AQP1: variants seen among roughly 807,000 people sequenced by gnomAD.
AQP1 encodes the protein aquaporin-1.
In AQP1, 11 loss-of-function variants were observed where a neutral mutation model predicts 19.7. The ratio of observed to expected loss-of-function variants is 0.56; its 90% confidence interval spans 0.35 to 0.92. AQP1 has a LOEUF of 0.92. Ranked by LOEUF, AQP1 falls within the 40% of genes least tolerant of loss-of-function variation. The pLI, the probability that AQP1 is intolerant of heterozygous loss-of-function variation, is 0.01. For synonymous variants in AQP1, 159 were observed against 166.7 expected, an observed-to-expected ratio of 0.95 and a Z score of 0.36; for missense variants, 320 against 369.7, an observed-to-expected ratio of 0.87 and a Z score of 1.10.
chr7:30,919,261 T>C (rs372742088), intron 1 of AQP1, among the ~76,000 whole-genome samples: 1 of 152,128 alleles, frequency 6.6e-6, no homozygotes, highest in East Asian at 1.9e-4. Context: ...CGCAGGAAGA[T>C]TGATTTCCTA....
Position 30,912,108 on chromosome 7 carries a change from G to A in AQP1, c.199G>A (p.Val67Met). 1 of 1,613,296 alleles carries A rather than the reference G, an allele frequency of 6.2e-7. No homozygotes were observed. The highest frequency in any genetic ancestry group is 8.5e-7 in the Non-Finnish European group (1 of 1,180,044). The change falls in exon 1 of 4, where the codon GTG becomes ATG. Residue 67 changes from valine to methionine, a missense_variant. Transcript: ENST00000311813. The surrounding 1 kb of genome is among the most constrained non-coding windows in gnomAD (Gnocchi z 4.3). ...GLSIATLAQS[V>M]GHISGAHLNP... Reference sequence around the variant, plus strand: ...GAGCATCGCCACGCTGGCGCAGAGTGTGGGCCACATCAGCGGCGCCCACCT... The same window carrying A: ...GAGCATCGCCACGCTGGCGCAGAGTATGGGCCACATCAGCGGCGCCCACCT...
At chr7:30,920,326 A>G (rs190541201) in intron 1 of AQP1, among the ~76,000 whole-genome samples, 9 of 152,270 alleles carry the variant, frequency 5.9e-5, no homozygotes, top group African/African-American at 9.6e-5. Context: ...ACAGAGGGAC[A>G]GGGGCCTCAC....
At chr7:30,914,212 GGAGA>G (rs925971507) in intron 1 of AQP1, among the ~76,000 whole-genome samples, 13 of 152,328 alleles carry the variant, frequency 8.5e-5, no homozygotes, top group Middle Eastern at 6.8e-3. Context: ...GTTGCAAATG[GGAGA>G]GAAAGAGGAG....
At position 30,912,642 on chromosome 7, in the gene AQP1, CCCT is replaced by C. The variant is rs1180490848; in HGVS notation, c.384+356_384+358del. Among the ~76,000 whole-genome samples the C allele has an allele frequency of 6.6e-6, 1 of 152,186 alleles. No individual in the cohort carries two copies. The highest frequency in any genetic ancestry group is 1.5e-5 in the Non-Finnish European group (1 of 68,048). The stretch of plus-strand genomic sequence containing the variant: ...CTCAGTCCTGCCTGTGCCGCCAGCT[CCCT>C]CCTCCTGCAGCCCTGCACCCTGGGG... On this transcript the variant is annotated intron_variant, in intron 1 of 3. Transcript: ENST00000311813. This position sits in a 1 kb window ranked among gnomAD's most constrained non-coding sequence, Gnocchi z 4.3.
chr7:30,921,444 A>G, intron 1 of AQP1: 1 of 1,448,072 alleles, frequency 6.9e-7, no homozygotes, highest in Non-Finnish European at 9.1e-7. Context: ...AAGCAATGGG[A>G]GACAGGCCTT....
chr7:30,915,543 G>C (rs918800723), intron 1 of AQP1, among the ~76,000 whole-genome samples: 2 of 152,154 alleles, frequency 1.3e-5, no homozygotes, highest in African/African-American at 4.8e-5. Context: ...TCAGGCTGGG[G>C]GTGCATGGGA....
rs769323781 is a variant in AQP1, at chr7:30,912,257, C to T, written c.348C>T (p.Thr116=). Residue 116 remains threonine (T), a synonymous_variant, in exon 1 of 4, where the codon ACC becomes ACT. Transcript: ENST00000311813. The surrounding 1 kb of genome is among the most constrained non-coding windows in gnomAD (Gnocchi z 4.3). ...CCACCGCCATCCTCTCAGGCATCAC[C>T]TCCTCCCTGACTGGGAACTCGCTTG... ...IVATAILSGI[T]SSLTGNSLGR... The T allele has an allele frequency of 6.2e-7, 1 of 1,606,136 alleles. No homozygotes were observed. The highest frequency in any genetic ancestry group is 2.2e-5 in the East Asian group (1 of 44,868).
In AQP1 at chr7:30,912,847, A is replaced by T. The variant is rs2128588118; in HGVS notation, c.384+554A>T. Among the ~76,000 whole-genome samples, 1 of 152,296 alleles carries T rather than the reference A, an allele frequency of 6.6e-6. No individual in the cohort carries two copies. Among genetic ancestry groups the T allele is most frequent in the South Asian group, 2.1e-4 (1 of 4,822 alleles). On this transcript the variant is annotated intron_variant, in intron 1 of 3. Transcript: ENST00000311813. This position sits in a 1 kb window ranked among gnomAD's most constrained non-coding sequence, Gnocchi z 4.3. ...CCTCTTCCACTCTTTTGCCCCTGAGATTAGACAAAGATAAGGGAGTGAAAA... is the reference window on the plus strand; with the variant it reads ...CCTCTTCCACTCTTTTGCCCCTGAGTTTAGACAAAGATAAGGGAGTGAAAA...
At chr7:30,917,996 T>G (rs904049207) in intron 1 of AQP1, among the ~76,000 whole-genome samples, 2 of 147,872 alleles carry the variant, frequency 1.4e-5, no homozygotes, top group Non-Finnish European at 3.0e-5. Flanking sequence ...CCTTTATAGA[T>G]TTTTATTTTT....
chr7:30,921,119 C>G (rs1791486377), intron 1 of AQP1, among the ~76,000 whole-genome samples: 1 of 152,162 alleles, frequency 6.6e-6, no homozygotes, highest in African/African-American at 2.4e-5. Context: ...TGCAAGTGAG[C>G]CTTTGCTGAT....
At chr7:30,918,748 G>A (rs1204656754) in intron 1 of AQP1, among the ~76,000 whole-genome samples, 1 of 152,202 alleles carries the variant, frequency 6.6e-6, no homozygotes. Flanking sequence ...ACATTGCCTG[G>A]AGAGATCATC....
intron 1 of AQP1, among the ~76,000 whole-genome samples, chr7:30,913,010 G>C (rs556333026): frequency 1.6e-4 from 25 of 152,122 alleles, no homozygotes; most frequent in African/African-American, 5.5e-4. Context: ...GTGTGTGAAG[G>C]TGTGTATGTG....
In AQP1 at chr7:30,912,129, C is replaced by T. The variant is rs1274688559; in HGVS notation, c.220C>T (p.His74Tyr). The change falls in exon 1 of 4, where the codon CAC becomes TAC. Residue 74 changes from histidine to tyrosine, a missense_variant. His to Tyr is a moderately conservative substitution (Grantham distance 83). Transcript: ENST00000311813. This position sits in a 1 kb window ranked among gnomAD's most constrained non-coding sequence, Gnocchi z 4.3. Reference sequence around the variant, plus strand: ...GAGTGTGGGCCACATCAGCGGCGCCCACCTCAACCCGGCTGTCACACTGGG... The same window carrying T: ...GAGTGTGGGCCACATCAGCGGCGCCTACCTCAACCCGGCTGTCACACTGGG... ...AQSVGHISGA[H>Y]LNPAVTLGLL... 6.2e-7 allele frequency: 1 copy of T among 1,613,138 alleles called. No individual in the cohort carries two copies. The highest frequency in any genetic ancestry group is 8.5e-7 in the Non-Finnish European group (1 of 1,180,038).
At chr7:30,917,825 C>T (rs770254188) in intron 1 of AQP1, among the ~76,000 whole-genome samples, 2 of 152,224 alleles carry the variant, frequency 1.3e-5, no homozygotes, top group Admixed American at 6.5e-5. Flanking sequence ...TGGTAGTTTT[C>T]GGCTGCTTCA....
In AQP1 at chr7:30,911,918, C is replaced by G. The variant is rs574768358; in HGVS notation, c.9C>G (p.Ser3Arg). ...CCAAGCCCCCTGCCAGCATGGCCAG[C>G]GAGTTCAAGAAGAAGCTCTTCTGGA... Reference protein sequence around the residue: MASEFKKKLFWRA... With the variant: MAREFKKKLFWRA... Residue 3 changes from serine (S) to arginine (R), a missense_variant, in exon 1 of 4, where the codon AGC becomes AGG. Physicochemically the swap from Ser to Arg is moderately radical, Grantham distance 110. Coordinates refer to ENST00000311813, the MANE Select transcript of AQP1 (RefSeq NM_198098.4). 6.2e-7 allele frequency: 1 copy of G among 1,613,178 alleles called. No individual in the cohort carries two copies.
rs144238098 is a variant in AQP1 at position 30,923,577 on chromosome 7, A to G, written c.758A>G (p.Tyr253Cys). ...TGGACCAGCGGCCAGGTGGAGGAGTATGACCTGGATGCCGACGACATCAAC... is the reference window on the plus strand; with the variant it reads ...TGGACCAGCGGCCAGGTGGAGGAGTGTGACCTGGATGCCGACGACATCAAC... Reference protein sequence around the residue: ...KVWTSGQVEEYDLDADDINSR... With the variant: ...KVWTSGQVEECDLDADDINSR... The change falls in exon 4 of 4, where the codon TAT becomes TGT. Residue 253 changes from tyrosine to cysteine, a missense_variant. By Grantham distance (194) the Tyr-to-Cys change is radical. Transcript: ENST00000311813. The surrounding 1 kb of genome is among the most constrained non-coding windows in gnomAD (Gnocchi z 4.8). The G allele has an allele frequency of 2.8e-5, 45 of 1,598,300 alleles. No individual in the cohort carries two copies. The highest frequency in any genetic ancestry group is 3.3e-4 in the Middle Eastern group (2 of 5,990).
Position 30,912,077 on chromosome 7 carries a change from C to A in AQP1, c.168C>A (p.Phe56Leu), listed in dbSNP as rs550724674. The A allele has an allele frequency of 6.2e-7, 1 of 1,613,364 alleles. No individual in the cohort carries two copies. The highest frequency in any genetic ancestry group is 1.1e-5 in the South Asian group (1 of 91,082). ...VQDNVKVSLA[F>L]GLSIATLAQS... is the part of the protein sequence containing the mutation. ...ACAACGTGAAGGTGTCGCTGGCCTT[C>A]GGGCTGAGCATCGCCACGCTGGCGC... Residue 56 changes from phenylalanine (F) to leucine (L), a missense_variant, in exon 1 of 4, where the codon TTC (phenylalanine) becomes TTA (leucine). Physicochemically the swap from Phe to Leu is conservative, Grantham distance 22. Transcript: ENST00000311813. This position sits in a 1 kb window ranked among gnomAD's most constrained non-coding sequence, Gnocchi z 4.3.
chr7:30,921,236 T>C (rs774997611), intron 1 of AQP1: 1 of 1,110,266 alleles, frequency 9.0e-7, no homozygotes, highest in Non-Finnish European at 1.1e-6. Context: ...GGCAGCTGCA[T>C]GGGGAGGGCC....
At chr7:30,914,607 G>T (rs976601309) in intron 1 of AQP1, among the ~76,000 whole-genome samples, 3 of 152,364 alleles carry the variant, frequency 2.0e-5, no homozygotes, top group African/African-American at 7.2e-5. Context: ...TGGAACTGGA[G>T]GGGCCTCAGG....
Sources: allele counts gnomAD v4.1 joint callset (sites outside exome capture counted in the v4.1 genomes callset), GRCh38; gene constraint gnomAD v4.1.1; non-coding constraint Gnocchi (gnomAD v3.1); transcripts MANE v1.5; gene names NCBI Gene and HGNC (gene_info 2026-07-23, HGNC 2026-07-21).